ERBB4: variants seen among roughly 807,000 people sequenced by gnomAD.
ERBB4 encodes the protein receptor tyrosine-protein kinase erbB-4.
ERBB4 carries 42 observed loss-of-function variants against 158.0 expected under a neutral mutation model. The ratio of observed to expected loss-of-function variants is 0.27; its 90% CI spans 0.21 to 0.34. The LOEUF is 0.34. ERBB4 is among the 10% of genes least tolerant of loss of function. The probability of loss-of-function intolerance (pLI) is 1.00; values close to 1 mark genes in which losing one functional copy is unlikely to be tolerated. For synonymous variants in ERBB4, 583 were observed against 558.7 expected, an observed-to-expected ratio of 1.04 and a Z score of -0.61; for missense variants, 1,333 against 1,624.1, an observed-to-expected ratio of 0.82 and a Z score of 3.08.
intron 3 of ERBB4, among the ~76,000 whole-genome samples, chr2:211,887,313 T>C (rs923892328): frequency 2.7e-5 from 4 of 149,748 alleles, no homozygotes; most frequent in African/African-American, 9.8e-5. Context: ...AAAAAACAAG[T>C]AGTGATTAGT....
At chr2:211,884,315 C>A (rs1435767309) in intron 3 of ERBB4, among the ~76,000 whole-genome samples, 2 of 152,100 alleles carry the variant, frequency 1.3e-5, no homozygotes, top group Non-Finnish European at 2.9e-5. Flanking sequence ...AAATAGCTAC[C>A]CTGGACTCTG....
chr2:211,500,002 A>G (rs1314215001), intron 20 of ERBB4, among the ~76,000 whole-genome samples: 1 of 152,134 alleles, frequency 6.6e-6, no homozygotes, highest in Non-Finnish European at 1.5e-5. Context: ...AGTGATGACA[A>G]TCACTAGCCC....
intron 3 of ERBB4, among the ~76,000 whole-genome samples, chr2:211,864,392 A>C (rs1217477048): frequency 6.6e-6 from 1 of 152,058 alleles, no homozygotes; most frequent in Non-Finnish European, 1.5e-5. Context: ...ACTTCCCAGG[A>C]ACTCCTCCAC....
chr2:211,496,643 G>A (rs2065476574), intron 20 of ERBB4, among the ~76,000 whole-genome samples: 2 of 151,614 alleles, frequency 1.3e-5, no homozygotes, highest in South Asian at 4.2e-4. Flanking sequence ...TTGATTACTG[G>A]TATTTCTGCC....
intron 2 of ERBB4, among the ~76,000 whole-genome samples, chr2:212,017,342 C>T (rs2076551778): frequency 6.6e-6 from 1 of 152,082 alleles, no homozygotes; most frequent in African/African-American, 2.4e-5. Flanking sequence ...CTTTGAGAGA[C>T]ACACAACTCT....
intron 19 of ERBB4, among the ~76,000 whole-genome samples, chr2:211,576,877 G>A (rs530860841): frequency 1.3e-5 from 2 of 152,162 alleles, no homozygotes; most frequent in Non-Finnish European, 2.9e-5. Context: ...TTTATGTGTG[G>A]GAAGAATGTT....
At chr2:211,425,354 AAATATAAAACTATGTGGAATTTAAAAT>A (rs72250993) in intron 22 of ERBB4, among the ~76,000 whole-genome samples, 19,711 of 149,506 alleles carry the variant, frequency 0.13, 3,086 homozygotes, top group African/African-American at 0.4. Flanking sequence ...ACAAAGCTTA[AAATATAAAACTATGTGGAATTTAAAAT>A]TATTCTTTCT....
chr2:211,824,077 C>A (rs1383167037), intron 3 of ERBB4, among the ~76,000 whole-genome samples: 1 of 152,034 alleles, frequency 6.6e-6, no homozygotes, highest in Non-Finnish European at 1.5e-5. Flanking sequence ...AATCTGTATA[C>A]TTTTCCTTAT....
At chr2:212,154,590 A>G (rs2080976549) in intron 1 of ERBB4, among the ~76,000 whole-genome samples, 1 of 152,158 alleles carries the variant, frequency 6.6e-6, no homozygotes, top group Non-Finnish European at 1.5e-5. Flanking sequence ...GGATTTACTC[A>G]CTGCAAACCG....
chr2:212,325,657 T>A (rs918699357), intron 1 of ERBB4, among the ~76,000 whole-genome samples: 1 of 150,502 alleles, frequency 6.6e-6, no homozygotes, highest in Non-Finnish European at 1.5e-5. Context: ...TGGTGCTAAG[T>A]TTACCAGAGA....
rs1223028636 is a variant in ERBB4 at position 212,015,028 on chromosome 2, T to C, written c.235-67412A>G. Among the ~76,000 whole-genome samples, 12 of 4,524 alleles carry C rather than the reference T, an allele frequency of 2.7e-3. 1 individual carries two copies. The highest frequency in any genetic ancestry group is 3.0e-3 in the African/African-American group (12 of 3,966). 3.0% of individuals were successfully genotyped at this position (4,524 alleles called of 152,430 possible). On this transcript the variant is annotated intron_variant, in intron 2 of 27. Transcript: ENST00000342788. ...TAACACGGTGAAACCCCGTCTCTAC[T>C]AAAAAAAAAAAAAATATATATATAT...
intron 2 of ERBB4, among the ~76,000 whole-genome samples, chr2:211,994,885 T>C (rs1377583358): frequency 2.0e-5 from 3 of 151,954 alleles, no homozygotes; most frequent in Non-Finnish European, 4.4e-5. Context: ...TAATGCTTCA[T>C]GCAGTTGTGC....
intron 20 of ERBB4, among the ~76,000 whole-genome samples, chr2:211,532,241 C>T (rs1009518408): frequency 1.3e-5 from 2 of 151,746 alleles, no homozygotes; most frequent in Non-Finnish European, 2.9e-5. Flanking sequence ...AGATGCCTAT[C>T]GTCAATAATA....
chr2:212,334,590 T>C (rs2088339082), intron 1 of ERBB4, among the ~76,000 whole-genome samples: 1 of 152,036 alleles, frequency 6.6e-6, no homozygotes, highest in African/African-American at 2.4e-5. Flanking sequence ...ACTCATCATA[T>C]TGCATTATAA....
Position 211,383,724 on chromosome 2 carries a change from C to T in ERBB4, c.3818G>A (p.Arg1273Gln), listed in dbSNP as rs1256468343. The change falls in exon 28 of 28, where the codon CGG becomes CAG. Residue 1273 changes from arginine to glutamine, a missense_variant. Arg to Gln is a conservative substitution (Grantham distance 43). Coordinates refer to ENST00000342788, the MANE Select transcript of ERBB4 (RefSeq NM_005235.3). Reference protein sequence around the residue: ...STKYFYKQNGRIRPIVAENPE... With the variant: ...STKYFYKQNGQIRPIVAENPE... ...ATTCTCTGCCACAATAGGCCGGATC[C>T]GCCCATTCTGTTTATAAAAATATTT... The T allele has an allele frequency of 6.2e-6, 10 of 1,613,890 alleles. No individual in the cohort carries two copies. Among genetic ancestry groups the T allele is most frequent in the Middle Eastern group, 1.6e-4 (1 of 6,080 alleles).
chr2:211,511,523 A>T (rs943074926), intron 20 of ERBB4, among the ~76,000 whole-genome samples: 3 of 152,104 alleles, frequency 2.0e-5, no homozygotes, highest in African/African-American at 7.2e-5. Context: ...CTGAGAAAGC[A>T]AAACTTGAGC....
chr2:212,444,037 G>A (rs1442718306), intron 1 of ERBB4, among the ~76,000 whole-genome samples: 1 of 152,086 alleles, frequency 6.6e-6, no homozygotes, highest in East Asian at 1.9e-4. Context: ...GGCTCAAGCA[G>A]GTCCTGAAGG....
chr2:212,410,868 A>G (rs2091477806), intron 1 of ERBB4, among the ~76,000 whole-genome samples: 1 of 152,100 alleles, frequency 6.6e-6, no homozygotes, highest in Non-Finnish European at 1.5e-5. Context: ...ACACATATTC[A>G]GATAGTTTCT....
intron 1 of ERBB4, among the ~76,000 whole-genome samples, chr2:212,169,099 G>T (rs957654160): frequency 5.3e-5 from 8 of 152,060 alleles, no homozygotes; most frequent in Non-Finnish European, 8.8e-5. Flanking sequence ...CTTTCATTTT[G>T]AAATGAAATT....
Sources: allele counts gnomAD v4.1 joint callset (sites outside exome capture counted in the v4.1 genomes callset), GRCh38; gene constraint gnomAD v4.1.1; transcripts MANE v1.5; gene names NCBI Gene and HGNC (gene_info 2026-07-23, HGNC 2026-07-21).